The following NXNL2 variants were observed in gnomAD, a reference collection of about 807,000 sequenced individuals.
NXNL2 encodes nucleoredoxin-like protein 2.
NXNL2 carries 7 observed loss-of-function variants against 11.1 expected under a neutral mutation model. The ratio of observed to expected loss-of-function variants is 0.63; its 90% CI spans 0.36 to 1.18. NXNL2 has a LOEUF of 1.18. Among genes scored for constraint, NXNL2 ranks in the 50% most tolerant of loss-of-function variants. NXNL2 has a pLI of 0.02. For missense variants in NXNL2, 233 were observed against 217.7 expected (o/e 1.07, Z -0.44); for synonymous variants, 109 against 101.8 (o/e 1.07, Z -0.42).
At chr9:88,565,395 C>G (rs934818708) in intron 1 of NXNL2, among the ~76,000 whole-genome samples, 1 of 152,142 alleles carries the variant, frequency 6.6e-6, no homozygotes, top group Non-Finnish European at 1.5e-5. Flanking sequence ...ATTGCTGGAT[C>G]ATATGAGAGT....
chr9:88,544,563 A>C lies in NXNL2; in HGVS notation c.*16A>C. On this transcript the variant is annotated 3_prime_UTR_variant, in exon 2 of 2. Coordinates refer to ENST00000375854, the MANE Select transcript of NXNL2 (RefSeq NM_001161625.2). ...CTCCGTTTGAAGTGGGAGGGACCTCAGAGGGCCAGGACAGGTGCTGCTTCT... is the reference window on the plus strand; with the variant it reads ...CTCCGTTTGAAGTGGGAGGGACCTCCGAGGGCCAGGACAGGTGCTGCTTCT... 1 of 1,516,422 alleles carries C rather than the reference A, an allele frequency of 6.6e-7. No homozygotes were observed. The highest frequency in any genetic ancestry group is 8.9e-7 in the Non-Finnish European group (1 of 1,128,858). The allele number at this position is 1,516,422 out of a possible 1,614,324, so 93.9% of individuals were successfully genotyped here. A position where few individuals can be genotyped will look rare whatever the true frequency, so the allele number is the denominator to read the frequency against.
chr9:88,548,331 CT>C (rs1349974566), downstream of NXNL2, among the ~76,000 whole-genome samples: 1 of 72,390 alleles, frequency 1.4e-5, no homozygotes, highest in African/African-American at 5.4e-5. Context: ...AAGAGGAAGA[CT>C]TTTTCTCAAA....
chr9:88,572,785 C>T (rs1276484273), intron 2 of NXNL2, among the ~76,000 whole-genome samples: 1 of 152,190 alleles, frequency 6.6e-6, no homozygotes, highest in African/African-American at 2.4e-5. Flanking sequence ...TGACAGCACC[C>T]TGGATATTGT....
intron 1 of NXNL2, among the ~76,000 whole-genome samples, chr9:88,560,239 C>T (rs1187072227): frequency 2.6e-5 from 4 of 151,818 alleles, no homozygotes; most frequent in Admixed American, 6.6e-5. Flanking sequence ...TTTCTGCCAG[C>T]GGGAGGTTCT....
At chr9:88,542,179 G>T (rs1333695153) in intron 1 of NXNL2, among the ~76,000 whole-genome samples, 1 of 151,910 alleles carries the variant, frequency 6.6e-6, no homozygotes, top group Non-Finnish European at 1.5e-5. Flanking sequence ...CTTGCAGTAA[G>T]CCGAGATTGC....
intron 1 of NXNL2, among the ~76,000 whole-genome samples, chr9:88,558,315 G>A (rs537415185): frequency 1.1e-4 from 16 of 152,262 alleles, no homozygotes; most frequent in South Asian, 8.3e-4. Context: ...AGCTGAACAC[G>A]TAGAGATTCC....
intron 1 of NXNL2, among the ~76,000 whole-genome samples, chr9:88,551,579 G>A (rs1345806899): frequency 3.3e-5 from 5 of 151,920 alleles, no homozygotes; most frequent in African/African-American, 1.2e-4. Context: ...CCTCTCTAAG[G>A]ATATTAACCA....
intron 1 of NXNL2, among the ~76,000 whole-genome samples, chr9:88,541,830 C>T (rs144400901): frequency 0.015 from 2,356 of 152,272 alleles, 60 homozygotes; most frequent in African/African-American, 0.053. Flanking sequence ...GTGTTTACAG[C>T]TTGGGATTTG....
At chr9:88,548,339 CAAAAAAAAAAAAAAAAAAAAAAA>C (rs60796870), downstream of NXNL2, among the ~76,000 whole-genome samples, 42 of 31,066 alleles carry the variant, frequency 1.4e-3, no homozygotes, top group South Asian at 0.013. Flanking sequence ...GACTTTTTCT[CAAAAAAAAAAAAAAAAAAAAAAA>C]AAAAAAAAAA....
chr9:88,545,135 A>G (rs905811842), downstream of NXNL2, among the ~76,000 whole-genome samples: 1 of 152,148 alleles, frequency 6.6e-6, no homozygotes, highest in Non-Finnish European at 1.5e-5. Flanking sequence ...TGTTTTCTTT[A>G]CACTTATTTG....
At chr9:88,581,540 C>A (rs1046034380) in intron 1 of NXNL2, among the ~76,000 whole-genome samples, 1 of 152,008 alleles carries the variant, frequency 6.6e-6, no homozygotes, top group African/African-American at 2.4e-5. Context: ...TAGGTTCAAG[C>A]GATTCTCCCG....
chr9:88,540,313 A>C (rs1047225051), intron 1 of NXNL2, among the ~76,000 whole-genome samples: 7 of 151,116 alleles, frequency 4.6e-5, no homozygotes, highest in African/African-American at 1.2e-4. Context: ...GTCTGGGCGA[A>C]AGAGCGAGAC....
At chr9:88,536,909 G>A (rs1829633501) in intron 1 of NXNL2, among the ~76,000 whole-genome samples, 1 of 152,160 alleles carries the variant, frequency 6.6e-6, no homozygotes, top group East Asian at 1.9e-4. Context: ...TTTGCAAAAG[G>A]ATTTCTTACA....
At chr9:88,540,702 A>G (rs2118408024) in intron 1 of NXNL2, among the ~76,000 whole-genome samples, 1 of 143,012 alleles carries the variant, frequency 7.0e-6, no homozygotes, top group East Asian at 3.0e-4. Context: ...CAGGTGAGTC[A>G]TTGGACACCA....
chr9:88,569,763 T>G (rs1190504053), intron 1 of NXNL2, among the ~76,000 whole-genome samples: 2 of 152,256 alleles, frequency 1.3e-5, no homozygotes, highest in East Asian at 1.9e-4. Context: ...TGTTAATAGA[T>G]TCTTAATTTG....
intron 1 of NXNL2, among the ~76,000 whole-genome samples, chr9:88,556,754 T>C (rs1830016948): frequency 6.6e-6 from 1 of 152,000 alleles, no homozygotes; most frequent in African/African-American, 2.4e-5. Flanking sequence ...GCTCATCAGA[T>C]TGTTGTAATT....
intron 1 of NXNL2, among the ~76,000 whole-genome samples, chr9:88,552,664 T>C (rs976701427): frequency 2.6e-5 from 4 of 152,056 alleles, no homozygotes; most frequent in African/African-American, 9.7e-5. Context: ...AGAGACGGGA[T>C]TTCACCGTGT....
At chr9:88,550,517 G>T (rs1829916096) in intron 1 of NXNL2, among the ~76,000 whole-genome samples, 1 of 152,210 alleles carries the variant, frequency 6.6e-6, no homozygotes. Flanking sequence ...AGTAATAAAT[G>T]AATACATGGA....
chr9:88,545,933 A>G (rs982487956), downstream of NXNL2, among the ~76,000 whole-genome samples: 1 of 151,582 alleles, frequency 6.6e-6, no homozygotes, highest in African/African-American at 2.4e-5. Flanking sequence ...CGCCCAGCGA[A>G]TTTTTGTATT....
Sources: allele counts gnomAD v4.1 joint callset (sites outside exome capture counted in the v4.1 genomes callset), GRCh38; gene constraint gnomAD v4.1.1; transcripts MANE v1.5; gene names NCBI Gene and HGNC (gene_info 2026-07-23, HGNC 2026-07-21).